The following SYT9 variants were observed in gnomAD, a reference collection of about 807,000 sequenced individuals.
SYT9 encodes the protein synaptotagmin-9.
In SYT9, 22 loss-of-function variants were observed where a neutral mutation model predicts 48.4. The ratio of observed to expected loss-of-function variants is 0.45; its 90% CI spans 0.32 to 0.65. The LOEUF (loss-of-function observed/expected upper bound fraction) is 0.65, where lower values mean the gene tolerates loss of function less well. Among genes scored for constraint, SYT9 ranks in the 30% least tolerant of loss-of-function variants. The probability of loss-of-function intolerance (pLI) is 0.03; values close to 1 mark genes in which losing one functional copy is unlikely to be tolerated. For synonymous variants in SYT9, 265 were observed against 245.0 expected, an observed-to-expected ratio of 1.08 and a Z score of -0.76; for missense variants, 577 against 622.0, an observed-to-expected ratio of 0.93 and a Z score of 0.77.
chr11:7,400,338 A>G (rs75054941), intron 3 of SYT9, among the ~76,000 whole-genome samples: 4,109 of 152,262 alleles, frequency 0.027, 176 homozygotes, highest in African/African-American at 0.091. Context: ...TCCATATGTC[A>G]AGTGAGGGAA....
chr11:7,361,926 T>C (rs1850144058), intron 3 of SYT9, among the ~76,000 whole-genome samples: 1 of 152,154 alleles, frequency 6.6e-6, no homozygotes. Flanking sequence ...TTTTCAAATT[T>C]ATGGTCACTG....
chr11:7,345,875 C>T (rs11824346), intron 3 of SYT9, among the ~76,000 whole-genome samples: 53,269 of 152,062 alleles, frequency 0.35, 9,547 homozygotes, highest in Non-Finnish European at 0.37. Flanking sequence ...GTTTAGACTT[C>T]AGATGGAAAA....
At chr11:7,286,376 G>A (rs973135776) in intron 1 of SYT9, among the ~76,000 whole-genome samples, 15 of 152,188 alleles carry the variant, frequency 9.9e-5, no homozygotes, top group Non-Finnish European at 1.5e-4. Context: ...GAGATGCAGG[G>A]CACCAAGTCC....
At position 7,454,314 on chromosome 11, in the gene SYT9, T is replaced by A. The variant is rs984558163; in HGVS notation, c.1468-12478T>A. ...CTTTTTTGCATCTCATGATTCCAGA[T>A]GATGCTTACCATTTCCGCTCTCTGC... On this transcript the variant is annotated intron_variant, in intron 6 of 6. Coordinates refer to ENST00000318881, the MANE Select transcript of SYT9 (RefSeq NM_175733.4). The A allele has an allele frequency of 4.7e-5, 46 of 985,094 alleles. No individual in the cohort carries two copies. In the African/African-American group the frequency reaches 7.2e-4, roughly 15 times the overall value. 61.0% of individuals were successfully genotyped at this position (985,094 alleles called of 1,614,324 possible). A position where few individuals can be genotyped will look rare whatever the true frequency, so the allele number is the denominator to read the frequency against.
intron 1 of SYT9, among the ~76,000 whole-genome samples, chr11:7,264,253 T>C (rs1164288923): frequency 6.6e-6 from 1 of 151,838 alleles, no homozygotes. Flanking sequence ...GAAGAGCAAA[T>C]GGATTAGGGA....
intron 1 of SYT9, among the ~76,000 whole-genome samples, chr11:7,279,103 G>A (rs1191639724): frequency 6.6e-6 from 1 of 152,148 alleles, no homozygotes; most frequent in Non-Finnish European, 1.5e-5. Flanking sequence ...ATAAAGTTGG[G>A]GAGCTGGCCC....
At chr11:7,354,901 C>CTCCACAGATGCTATGGTACCA in intron 3 of SYT9, among the ~76,000 whole-genome samples, 1 of 152,218 alleles carries the variant, frequency 6.6e-6, no homozygotes, top group Non-Finnish European at 1.5e-5. Flanking sequence ...CAGGCTACCC[C>CTCCACAGATGCTATGGTACCA]TCCACAGATG....
At chr11:7,272,260 C>A (rs1163565314) in intron 1 of SYT9, among the ~76,000 whole-genome samples, 1 of 152,118 alleles carries the variant, frequency 6.6e-6, no homozygotes, top group East Asian at 1.9e-4. Flanking sequence ...AGTGTTAGTT[C>A]TATTATTAAT....
At chr11:7,362,196 G>A (rs1850151501) in intron 3 of SYT9, among the ~76,000 whole-genome samples, 1 of 149,290 alleles carries the variant, frequency 6.7e-6, no homozygotes, top group Non-Finnish European at 1.5e-5. Flanking sequence ...CCAGGCTGGA[G>A]TGCGGTGGTG....
chr11:7,280,960 T>C (rs145901703), intron 1 of SYT9, among the ~76,000 whole-genome samples: 358 of 152,302 alleles, frequency 2.4e-3, no homozygotes, highest in African/African-American at 8.2e-3. Context: ...AATTTTACAT[T>C]TATATAATTT....
intron 3 of SYT9, among the ~76,000 whole-genome samples, chr11:7,403,564 CAGAG>C (rs59032816): frequency 3.3e-5 from 5 of 150,390 alleles, no homozygotes; most frequent in African/African-American, 1.2e-4. Flanking sequence ...AATAAATAAA[CAGAG>C]AGAGAGAGAG....
chr11:7,409,802 G>C (rs1847099646), intron 3 of SYT9, among the ~76,000 whole-genome samples: 1 of 151,736 alleles, frequency 6.6e-6, no homozygotes, highest in Non-Finnish European at 1.5e-5. Context: ...TTTTTTTGAA[G>C]AATCAACTTT....
At chr11:7,264,651 T>C (rs866882225) in intron 1 of SYT9, among the ~76,000 whole-genome samples, 6 of 151,864 alleles carry the variant, frequency 4.0e-5, no homozygotes, top group African/African-American at 1.5e-4. Flanking sequence ...ATGTTTGAAA[T>C]CAAGATTCTG....
intron 6 of SYT9, chr11:7,457,713 A>G (rs1254199692): frequency 6.6e-6 from 1 of 152,194 alleles, no homozygotes; most frequent in Admixed American, 6.5e-5. Context: ...GTGGCAGTGA[A>G]GGTCCCAGTC....
At chr11:7,305,153 GA>G (rs1312153526) in intron 2 of SYT9, among the ~76,000 whole-genome samples, 1 of 152,080 alleles carries the variant, frequency 6.6e-6, no homozygotes. Flanking sequence ...TGGGTAGAAG[GA>G]AAAAAATTAA....
chr11:7,422,184 GGAGAGGCA>G (rs576114377), intron 6 of SYT9, among the ~76,000 whole-genome samples: 4 of 152,290 alleles, frequency 2.6e-5, no homozygotes, highest in East Asian at 1.9e-4. Flanking sequence ...GGGCGGCTGT[GGAGAGGCA>G]GAGAGGCAGA....
intron 1 of SYT9, among the ~76,000 whole-genome samples, chr11:7,279,462 A>G (rs1564845372): frequency 6.6e-6 from 1 of 152,204 alleles, no homozygotes; most frequent in Admixed American, 6.5e-5. Flanking sequence ...ATGGAGCCAC[A>G]TAGAATCTGC....
chr11:7,254,024 G>T (rs1847919942), intron 1 of SYT9, among the ~76,000 whole-genome samples: 1 of 152,086 alleles, frequency 6.6e-6, no homozygotes, highest in East Asian at 1.9e-4. Flanking sequence ...CATCTTTTTG[G>T]CCAGTTTTCT....
chr11:7,262,179 T>C (rs966844883), intron 1 of SYT9, among the ~76,000 whole-genome samples: 14 of 152,008 alleles, frequency 9.2e-5, no homozygotes, highest in South Asian at 2.1e-4. Context: ...TAGATGGATA[T>C]TGAGTGTGAA....
Sources: allele counts gnomAD v4.1 joint callset (sites outside exome capture counted in the v4.1 genomes callset), GRCh38; gene constraint gnomAD v4.1.1; transcripts MANE v1.5; gene names NCBI Gene and HGNC (gene_info 2026-07-23, HGNC 2026-07-21).